The following PDE7B variants were observed in gnomAD, a reference collection of about 807,000 sequenced individuals.
The protein encoded by PDE7B is 3',5'-cyclic-AMP phosphodiesterase 7B.
A neutral mutation model predicts 56.2 loss-of-function variants in PDE7B; 29 were observed. The observed-to-expected ratio is 0.52, with a 90% confidence interval of 0.38 to 0.70. The LOEUF is 0.70. Ranked by LOEUF, PDE7B falls within the 30% of genes least tolerant of loss-of-function variation. The probability of loss-of-function intolerance (pLI) is 0.00; values close to 1 mark genes in which losing one functional copy is unlikely to be tolerated. For missense variants in PDE7B, 490 were observed against 565.0 expected (o/e 0.87, Z 1.35); for synonymous variants, 197 against 196.9 (o/e 1.00, Z 0.00).
At chr6:135,956,549 C>CA (rs1438178730) in intron 2 of PDE7B, among the ~76,000 whole-genome samples, 1 of 152,044 alleles carries the variant, frequency 6.6e-6, no homozygotes, top group Non-Finnish European at 1.5e-5. Flanking sequence ...GAGGCCAAGG[C>CA]AGGCAGATCA....
intron 2 of PDE7B, among the ~76,000 whole-genome samples, chr6:136,060,619 G>A (rs758490888): frequency 2.6e-5 from 4 of 152,150 alleles, no homozygotes; most frequent in Non-Finnish European, 4.4e-5. Context: ...TAACAACCCT[G>A]TGAGGTAGAC....
chr6:136,037,892 T>A (rs1023996055), intron 2 of PDE7B: 1 of 1,174,952 alleles, frequency 8.5e-7, no homozygotes, highest in Non-Finnish European at 1.1e-6. Flanking sequence ...ATGGCTTTTT[T>A]TTTTCTCCCT....
intron 2 of PDE7B, chr6:136,044,781 A>G (rs1479293877): frequency 6.6e-6 from 1 of 152,076 alleles, no homozygotes; most frequent in Admixed American, 6.6e-5. Context: ...CAGTCTGTAG[A>G]CTCCTGAACA....
chr6:136,147,263 CTTCTTTTAATG>C, intron 3 of PDE7B, 77 bp from the exon 4 acceptor site: 1 of 798,486 alleles, frequency 1.3e-6, no homozygotes, highest in Non-Finnish European at 2.0e-6. Flanking sequence ...TTAAATTTCT[CTTCTTTTAATG>C]CATTTATTTT....
intron 1 of PDE7B, among the ~76,000 whole-genome samples, chr6:135,905,982 T>C (rs1271434374): frequency 6.6e-6 from 1 of 152,180 alleles, no homozygotes; most frequent in African/African-American, 2.4e-5. Flanking sequence ...GTTCAAATTA[T>C]AAAGAAGAGT....
At chr6:135,870,491 C>G (rs1471063619) in intron 1 of PDE7B, among the ~76,000 whole-genome samples, 2 of 151,054 alleles carry the variant, frequency 1.3e-5, no homozygotes, top group African/African-American at 2.4e-5. Context: ...TAAGTACTAC[C>G]CCTATTTATT....
At chr6:136,010,100 C>T (rs1775865655) in intron 2 of PDE7B, among the ~76,000 whole-genome samples, 1 of 152,154 alleles carries the variant, frequency 6.6e-6, no homozygotes, top group South Asian at 2.1e-4. Flanking sequence ...GAATTTCCCT[C>T]TGAAACATTG....
chr6:135,958,993 A>G (rs909712541), intron 2 of PDE7B, among the ~76,000 whole-genome samples: 2 of 152,202 alleles, frequency 1.3e-5, no homozygotes, highest in Non-Finnish European at 2.9e-5. Flanking sequence ...GTACCCAACC[A>G]CATAGGAGCC....
chr6:136,175,406 G>T (rs1778961489), intron 9 of PDE7B, among the ~76,000 whole-genome samples: 1 of 152,066 alleles, frequency 6.6e-6, no homozygotes, highest in Admixed American at 6.6e-5. Context: ...ATGTGAAGTT[G>T]CTCTTTTTAA....
At chr6:135,966,106 T>C (rs1774992958) in intron 2 of PDE7B, among the ~76,000 whole-genome samples, 1 of 152,184 alleles carries the variant, frequency 6.6e-6, no homozygotes, top group Non-Finnish European at 1.5e-5. Context: ...AATATGGTAA[T>C]TAATGTTCAT....
chr6:135,924,215 A>G (rs1774142138), intron 1 of PDE7B, among the ~76,000 whole-genome samples: 1 of 152,226 alleles, frequency 6.6e-6, no homozygotes, highest in Admixed American at 6.5e-5. Context: ...CCTAAAAAAC[A>G]TGTAAAAATA....
chr6:136,094,984 C>A (rs1330249257), intron 2 of PDE7B, among the ~76,000 whole-genome samples: 1 of 152,132 alleles, frequency 6.6e-6, no homozygotes, highest in Admixed American at 6.5e-5. Context: ...GCAGTATCTA[C>A]CTAATTATTT....
At chr6:136,069,431 A>G (rs1466945083) in intron 2 of PDE7B, among the ~76,000 whole-genome samples, 1 of 152,230 alleles carries the variant, frequency 6.6e-6, no homozygotes. Flanking sequence ...TGCATCCTCC[A>G]TCAACAAGTC....
chr6:135,991,370 A>T (rs910357296), intron 2 of PDE7B, among the ~76,000 whole-genome samples: 8 of 152,190 alleles, frequency 5.3e-5, no homozygotes, highest in African/African-American at 1.9e-4. Context: ...TCCACAATTA[A>T]TACATATTTC....
Position 136,066,569 on chromosome 6 carries a change from G to A in PDE7B, c.83-42162G>A, listed in dbSNP as rs146927474. 4.1e-3 allele frequency among the ~76,000 whole-genome samples: 620 copies of A among 152,210 alleles called. 10 individuals carry two copies. Among genetic ancestry groups the A allele is most frequent in the Middle Eastern group, 0.017 (5 of 294 alleles). ...AAAAGAATAGATGTTCAGCCCTTTC[G>A]CTATGCAGGTGCAAACCAGTTATGA... On this transcript the variant is annotated intron_variant, in intron 2 of 12. Transcript: ENST00000308191.
chr6:136,168,928 T>C, intron 8 of PDE7B, among the ~76,000 whole-genome samples: 1 of 152,132 alleles, frequency 6.6e-6, no homozygotes. Flanking sequence ...TCAGTATAAT[T>C]CCAGGTATTT....
At position 136,193,610 on chromosome 6, in the gene PDE7B, T is replaced by G. The variant is rs1779264842; in HGVS notation, c.*1770T>G. On this transcript the variant is annotated 3_prime_UTR_variant, in exon 13 of 13. Transcript: ENST00000308191. ...TTAGATGAAAATTGTTGATGCCCCTTTCTTTTTACTTTAAACAATGTGGTA... is the reference window on the plus strand; with the variant it reads ...TTAGATGAAAATTGTTGATGCCCCTGTCTTTTTACTTTAAACAATGTGGTA... 1 of 152,242 alleles carries G rather than the reference T, an allele frequency of 6.6e-6. No homozygotes were observed. The highest frequency in any genetic ancestry group is 1.5e-5 in the Non-Finnish European group (1 of 68,048). 9.4% of individuals were successfully genotyped at this position (152,242 alleles called of 1,614,324 possible).
At chr6:135,914,118 A>C (rs970886637) in intron 1 of PDE7B, among the ~76,000 whole-genome samples, 2 of 152,162 alleles carry the variant, frequency 1.3e-5, no homozygotes, top group Non-Finnish European at 2.9e-5. Flanking sequence ...TCATGCCTCA[A>C]CCTTCCACAG....
rs545718639 is a variant in PDE7B, at chr6:135,914,785, G to A, written c.22-32679G>A. On this transcript the variant is annotated intron_variant, in intron 1 of 12. Transcript: ENST00000308191. ...ATTACAGGCGTGAGCCACCGCGCCCGGCTATAATGCTTTTAAGACTCATTC... is the reference window on the plus strand; with the variant it reads ...ATTACAGGCGTGAGCCACCGCGCCCAGCTATAATGCTTTTAAGACTCATTC... Among the ~76,000 whole-genome samples, 52 of 51,890 alleles carry A rather than the reference G, an allele frequency of 1.0e-3. 12 individuals are homozygous for A. Among genetic ancestry groups the A allele is most frequent in the African/African-American group, 8.6e-3 (43 of 5,012 alleles). The allele number at this position is 51,890 out of a possible 152,430, so 34.0% of individuals were successfully genotyped here. A position where few individuals can be genotyped will look rare whatever the true frequency, so the allele number is the denominator to read the frequency against.
Sources: gnomAD v4.1 joint callset for allele counts (sites outside exome capture counted in the v4.1 genomes callset) on GRCh38, gnomAD v4.1.1 for gene constraint, MANE v1.5 for transcripts, NCBI Gene and HGNC (gene_info 2026-07-23, HGNC 2026-07-21) for gene names.